FAF2: variants seen among roughly 807,000 people sequenced by gnomAD.
FAF2 encodes the protein FAS-associated factor 2.
Under a neutral mutation model 62.3 loss-of-function variants are expected in FAF2, and 9 were observed. The ratio of observed to expected loss-of-function variants is 0.14; its 90% CI spans 0.09 to 0.25. The LOEUF (loss-of-function observed/expected upper bound fraction) is 0.25. FAF2 is among the 10% of genes least tolerant of loss of function. The pLI is 1.00. For missense variants in FAF2, 368 were observed against 556.2 expected (o/e 0.66, Z 3.40); for synonymous variants, 202 against 198.0 (o/e 1.02, Z -0.17).
At chr5:176,474,557 T>A (rs537458765) in intron 1 of FAF2, among the ~76,000 whole-genome samples, 15 of 152,350 alleles carry the variant, frequency 9.8e-5, no homozygotes, top group South Asian at 4.1e-4. Flanking sequence ...AATGATTTTT[T>A]AAATTTACAT....
chr5:176,469,292 C>G (rs1269578619), intron 1 of FAF2, among the ~76,000 whole-genome samples: 1 of 152,082 alleles, frequency 6.6e-6, no homozygotes, highest in South Asian at 2.1e-4. Flanking sequence ...AATTGGAGTT[C>G]TGAAGAAATT....
Position 176,508,017 on chromosome 5 carries a change from G to C in FAF2, c.*1067G>C, listed in dbSNP as rs562113394. The C allele has an allele frequency of 6.5e-6, 1 of 152,724 alleles. No individual in the cohort carries two copies. Among genetic ancestry groups the C allele is most frequent in the African/African-American group, 2.4e-5 (1 of 41,546 alleles). The allele number at this position is 152,724 out of a possible 1,614,324, so 9.5% of individuals were successfully genotyped here. A position where few individuals can be genotyped will look rare whatever the true frequency, so the allele number is the denominator to read the frequency against. On this transcript the variant is annotated 3_prime_UTR_variant, in exon 11 of 11. Transcript: ENST00000261942. Reference sequence around the variant, plus strand: ...GGAGCCAGCAGAACCACAGGAGAGTGCCCTGCCTGTCTCAGTGGAAGTGTA... The same window carrying C: ...GGAGCCAGCAGAACCACAGGAGAGTCCCCTGCCTGTCTCAGTGGAAGTGTA...
In FAF2 at chr5:176,488,994, G is replaced by A. The variant is rs1447612657; in HGVS notation, c.311G>A (p.Arg104Gln). ...TATTACTTGATAATGCTTCCATTCC[G>A]GTTTACCTATTACACGATACTTGAT... ...WGYYLIMLPF[R>Q]FTYYTILDIF... The change falls in exon 4 of 11, where the codon CGG becomes CAG. Residue 104 changes from arginine (R) to glutamine (Q), a missense_variant. Transcript: ENST00000261942. 8.7e-6 allele frequency: 14 copies of A among 1,613,766 alleles called. No homozygotes were observed. The highest frequency in any genetic ancestry group is 5.0e-5 in the Admixed American group (3 of 59,964).
At chr5:176,481,669 G>GGA (rs1287695061) in intron 2 of FAF2, among the ~76,000 whole-genome samples, 2 of 151,442 alleles carry the variant, frequency 1.3e-5, no homozygotes, top group Admixed American at 6.6e-5. Context: ...AAAAAAAAAG[G>GGA]GAGAGAGAGA....
chr5:176,477,459 G>A (rs889313396), intron 1 of FAF2, among the ~76,000 whole-genome samples: 1 of 152,064 alleles, frequency 6.6e-6, no homozygotes, highest in African/African-American at 2.4e-5. Context: ...TTAGTGGGTT[G>A]TAATGTAGGA....
intron 8 of FAF2, among the ~76,000 whole-genome samples, chr5:176,497,784 G>C (rs956090914): frequency 6.6e-6 from 1 of 152,108 alleles, no homozygotes; most frequent in Non-Finnish European, 1.5e-5. Flanking sequence ...TTGCCCTCAA[G>C]AAAGTTAAAC....
At chr5:176,500,530 G>C (rs1403230849) in intron 10 of FAF2, among the ~76,000 whole-genome samples, 1 of 152,156 alleles carries the variant, frequency 6.6e-6, no homozygotes, top group Admixed American at 6.5e-5. Flanking sequence ...GAAAAGCTCT[G>C]TCTCCAGTGA....
chr5:176,476,627 CTT>C lies in FAF2; in HGVS notation c.64-2539_64-2538del, dbSNP rs58104178. ...GGGGAAGATGGTAAGATTAGAGTCC[CTT>C]TTTTTTTTTTTTTTTTTTTTTGAGA... is the stretch of plus-strand genomic sequence containing the variant. On this transcript the variant is annotated intron_variant, in intron 1 of 10. Transcript: ENST00000261942. 7.2e-3 allele frequency among the ~76,000 whole-genome samples: 680 copies of C among 94,984 alleles called. 1 individual carries two copies. The highest frequency in any genetic ancestry group is 0.027 in the African/African-American group (613 of 22,434). The allele number at this position is 94,984 out of a possible 152,430, so 62.3% of individuals were successfully genotyped here. A position where few individuals can be genotyped will look rare whatever the true frequency, so the allele number is the denominator to read the frequency against.
intron 1 of FAF2, among the ~76,000 whole-genome samples, chr5:176,467,050 G>A (rs1758480273): frequency 6.6e-6 from 1 of 152,086 alleles, no homozygotes; most frequent in South Asian, 2.1e-4. Context: ...GGAGGAAGGA[G>A]GGAAAGGATC....
At chr5:176,468,304 G>T (rs1758506839) in intron 1 of FAF2, among the ~76,000 whole-genome samples, 1 of 152,204 alleles carries the variant, frequency 6.6e-6, no homozygotes, top group Non-Finnish European at 1.5e-5. Context: ...GTAAATAGAG[G>T]CTGGGCGCAG....
At chr5:176,476,128 C>T (rs546952763) in intron 1 of FAF2, among the ~76,000 whole-genome samples, 23 of 152,152 alleles carry the variant, frequency 1.5e-4, no homozygotes, top group East Asian at 9.7e-4. Context: ...AGTGTGGTGG[C>T]GCACACCTGT....
intron 8 of FAF2, chr5:176,497,074 A>T (rs1258261097): frequency 6.5e-6 from 1 of 153,096 alleles, no homozygotes; most frequent in Non-Finnish European, 1.5e-5. Flanking sequence ...TGAGGCCAGG[A>T]GTTCGAGGCA....
intron 10 of FAF2, among the ~76,000 whole-genome samples, chr5:176,504,012 A>G (rs938309685): frequency 6.6e-6 from 1 of 151,000 alleles, no homozygotes; most frequent in Admixed American, 6.6e-5. Flanking sequence ...AAATACAAAA[A>G]TACAGAATGG....
In FAF2 at chr5:176,494,119, A is replaced by G; in HGVS notation, c.569+35A>G. ...TTGATTATTTTCCTTCTCTTTTCTG[A>G]CTCTTTCTGGTGACAGTTTATAGTC... On this transcript the variant is annotated intron_variant, in intron 6 of 10. Transcript: ENST00000261942. The surrounding 1 kb of genome is among the most constrained non-coding windows in gnomAD (Gnocchi z 4.0). 6.2e-7 allele frequency: 1 copy of G among 1,610,114 alleles called. No individual in the cohort carries two copies. The highest frequency in any genetic ancestry group is 8.5e-7 in the Non-Finnish European group (1 of 1,177,010).
intron 1 of FAF2, among the ~76,000 whole-genome samples, chr5:176,472,729 AAAAAAAG>A (rs1364396397): frequency 5.9e-5 from 9 of 151,644 alleles, no homozygotes; most frequent in Non-Finnish European, 1.3e-4. Flanking sequence ...CAAAAAAAAA[AAAAAAAG>A]AAAAGAAAGA....
rs1315627625 is a variant in FAF2 at position 176,505,026 on chromosome 5, A to G, written c.1156-1742A>G. Among the ~76,000 whole-genome samples the G allele has an allele frequency of 1.0e-3, 159 of 151,462 alleles. 1 individual carries two copies. The highest frequency in any genetic ancestry group is 3.6e-3 in the African/African-American group (150 of 41,434). Reference sequence around the variant, plus strand: ...CGACAGAGCAAGACCTGTCTGGGAAAAAAAAAAAAAAAAAAGTTCCCTAGA... The same window carrying G: ...CGACAGAGCAAGACCTGTCTGGGAAGAAAAAAAAAAAAAAAGTTCCCTAGA... On this transcript the variant is annotated intron_variant, in intron 10 of 10. Coordinates refer to ENST00000261942, the MANE Select transcript of FAF2 (RefSeq NM_014613.3).
intron 5 of FAF2, among the ~76,000 whole-genome samples, 164 bp downstream of exon 5, chr5:176,492,496 G>A (rs1417545920): frequency 6.6e-6 from 1 of 152,098 alleles, no homozygotes; most frequent in African/African-American, 2.4e-5. Flanking sequence ...CTTTTAGCTG[G>A]CCCCTCTTTG....
chr5:176,505,524 T>A (rs1755661948), intron 10 of FAF2, among the ~76,000 whole-genome samples: 2 of 152,290 alleles, frequency 1.3e-5, no homozygotes, highest in Admixed American at 1.3e-4. Context: ...CATGAGTCAG[T>A]TCTTTAGTGG....
intron 1 of FAF2, among the ~76,000 whole-genome samples, chr5:176,456,196 C>T (rs139984237): frequency 3.9e-4 from 60 of 152,098 alleles, no homozygotes; most frequent in Non-Finnish European, 7.6e-4. Context: ...CTCAGCCTCC[C>T]GAGTAGCTGG....
Sources: gnomAD v4.1 joint callset for allele counts (sites outside exome capture counted in the v4.1 genomes callset) on GRCh38, gnomAD v4.1.1 for gene constraint, Gnocchi (gnomAD v3.1) non-coding constraint, MANE v1.5 for transcripts, NCBI Gene and HGNC (gene_info 2026-07-23, HGNC 2026-07-21) for gene names.